The following BCL11B variants were observed in gnomAD, a reference collection of about 807,000 sequenced individuals.
BCL11B encodes the protein B-cell lymphoma/leukemia 11B.
Under a neutral mutation model 49.9 loss-of-function variants are expected in BCL11B, and 8 were observed. That is an observed-to-expected ratio of 0.16 (90% CI 0.09 to 0.29). The LOEUF (loss-of-function observed/expected upper bound fraction) is 0.29. BCL11B is among the 10% of genes least tolerant of loss of function. BCL11B has a pLI of 1.00. For synonymous variants in BCL11B, 739 were observed against 637.4 expected, an observed-to-expected ratio of 1.16 and a Z score of -2.40; for missense variants, 1,006 against 1,351.0, an observed-to-expected ratio of 0.74 and a Z score of 4.00.
rs1162718386 is a variant in BCL11B at position 99,175,391 on chromosome 14, C to G, written c.1445G>C (p.Gly482Ala). Residue 482 changes from glycine (G) to alanine (A), a missense_variant, in exon 4 of 4, where the codon GGC becomes GCC. Transcript: ENST00000357195. Reference protein sequence around the residue: ...RHMKTHMHKAGSLAGRSDDGL... With the variant: ...RHMKTHMHKAASLAGRSDDGL... ...GTCGTCGGAGCGGCCGGCCAGCGAG[C>G]CGGCCTTGTGCATGTGCGTCTTCAT... is the stretch of plus-strand genomic sequence containing the variant. The G allele has an allele frequency of 4.4e-6, 7 of 1,599,978 alleles. No homozygotes were observed. In the Admixed American group the frequency reaches 1.2e-4, roughly 27 times the overall value.
chr14:99,245,760 G>A (rs796190837), intron 2 of BCL11B, among the ~76,000 whole-genome samples: 11 of 152,192 alleles, frequency 7.2e-5, no homozygotes, highest in African/African-American at 2.2e-4. Flanking sequence ...GCGCCCAAGG[G>A]CCAGAGAGGA....
chr14:99,217,385 G>GACACACACACACACACAGAC (rs1887879466), intron 3 of BCL11B, among the ~76,000 whole-genome samples: 1 of 131,018 alleles, frequency 7.6e-6, no homozygotes, highest in African/African-American at 2.7e-5. Flanking sequence ...CACACATACA[G>GACACACACACACACACAGAC]ACACACACAC....
In BCL11B at chr14:99,174,163, G is replaced by T; in HGVS notation, c.2673C>A (p.Ala891=). The change falls in exon 4 of 4, where the codon GCC becomes GCA. Residue 891 remains alanine, a synonymous_variant. Transcript: ENST00000357195. ...GGGGCCCGCGCGCTTAGCTCCTCTCGGCCTGCTCGATTTTGACGTCGTTAG... is the reference window on the plus strand; with the variant it reads ...GGGGCCCGCGCGCTTAGCTCCTCTCTGCCTGCTCGATTTTGACGTCGTTAG... ...LLTNDVKIEQ[A]ERS The T allele has an allele frequency of 6.2e-7, 1 of 1,612,508 alleles. No individual in the cohort carries two copies.
intron 3 of BCL11B, among the ~76,000 whole-genome samples, chr14:99,203,128 A>G (rs1439424601): frequency 2.0e-5 from 3 of 152,090 alleles, no homozygotes; most frequent in East Asian, 3.9e-4. Flanking sequence ...GCTTTCCCCA[A>G]CCACAGATCT....
Position 99,174,614 on chromosome 14 carries a change from G to A in BCL11B, c.2222C>T (p.Ser741Phe), listed in dbSNP as rs2139754017. The change falls in exon 4 of 4, where the codon TCC (serine) becomes TTC (phenylalanine). Residue 741 changes from serine (S) to phenylalanine (F), a missense_variant. This residue lies in a region of BCL11B where 443 missense variants were observed against 499.7 expected (regional missense o/e 0.89). Coordinates refer to ENST00000357195, the MANE Select transcript of BCL11B (RefSeq NM_138576.4). ...DARQSPFATSSEHSSENGSLR... is the reference protein window; with the variant it reads ...DARQSPFATSFEHSSENGSLR... ...GCTGCCGTTCTCGGACGAGTGCTCG[G>A]ACGACGTGGCGAAGGGCGACTGTCG... 6.5e-7 allele frequency: 1 copy of A among 1,548,188 alleles called. No homozygotes were observed. The highest frequency in any genetic ancestry group is 8.7e-7 in the Non-Finnish European group (1 of 1,151,296).
Position 99,175,598 on chromosome 14 carries a change from G to T in BCL11B, c.1238C>A (p.Pro413His). ...CTGCGGGGGCGGCGTGCCGCCAGGG[G>T]GCATGGGCGGCAGCGGCGGCGTGCT... is the stretch of plus-strand genomic sequence containing the variant. ...FLSTPPLPPMPPGGTPPPQPP... is the reference protein window; with the variant it reads ...FLSTPPLPPMHPGGTPPPQPP... The change falls in exon 4 of 4, where the codon CCC becomes CAC. Residue 413 changes from proline to histidine, a missense_variant. Coordinates refer to ENST00000357195, the MANE Select transcript of BCL11B (RefSeq NM_138576.4). The T allele has an allele frequency of 3.2e-6, 5 of 1,572,486 alleles. No individual in the cohort carries two copies. The highest frequency in any genetic ancestry group is 3.4e-6 in the Non-Finnish European group (4 of 1,164,380).
intron 3 of BCL11B, among the ~76,000 whole-genome samples, chr14:99,216,800 A>G (rs1887847367): frequency 6.6e-6 from 1 of 152,122 alleles, no homozygotes; most frequent in Non-Finnish European, 1.5e-5. Context: ...ATACACATAT[A>G]CACTCAACAT....
At chr14:99,237,236 C>CTTTTTTTTT (rs56991081) in intron 2 of BCL11B, among the ~76,000 whole-genome samples, 1 of 132,810 alleles carries the variant, frequency 7.5e-6, no homozygotes, top group African/African-American at 2.7e-5. Context: ...CTTTTTTTTT[C>CTTTTTTTTT]TTTTTTTTTT....
At chr14:99,211,966 C>A (rs1360323915) in intron 3 of BCL11B, among the ~76,000 whole-genome samples, 1 of 152,072 alleles carries the variant, frequency 6.6e-6, no homozygotes, top group Non-Finnish European at 1.5e-5. Context: ...CATCCCCACT[C>A]CCCCCTCCAC....
intron 3 of BCL11B, among the ~76,000 whole-genome samples, chr14:99,191,938 G>A (rs1216400191): frequency 2.0e-5 from 3 of 152,196 alleles, no homozygotes; most frequent in Non-Finnish European, 4.4e-5. Flanking sequence ...CAACACTTAT[G>A]TGGGGTGACG....
At chr14:99,189,577 C>G (rs1566801696) in intron 3 of BCL11B, among the ~76,000 whole-genome samples, 1 of 152,228 alleles carries the variant, frequency 6.6e-6, no homozygotes, top group Non-Finnish European at 1.5e-5. Flanking sequence ...ACACCAACAC[C>G]CCAGCATGGC....
Position 99,272,027 on chromosome 14 carries a change from C to A in BCL11B, c.-809G>T, listed in dbSNP as rs888610617. ...CCGGCCGGAGGGGCTGCCGAGTCCC[C>A]GCGAGCGCTCCCCAGCGCTCCCCTG... On this transcript the variant is annotated 5_prime_UTR_variant, in exon 1 of 4. Transcript: ENST00000357195. The surrounding 1 kb of genome is among the most constrained non-coding windows in gnomAD (Gnocchi z 6.0). Among the ~76,000 whole-genome samples, 1 of 151,950 alleles carries A rather than the reference C, an allele frequency of 6.6e-6. No individual in the cohort carries two copies. The highest frequency in any genetic ancestry group is 1.5e-5 in the Non-Finnish European group (1 of 67,970).
intron 3 of BCL11B, among the ~76,000 whole-genome samples, chr14:99,191,895 T>C (rs1887040937): frequency 6.6e-6 from 1 of 152,074 alleles, no homozygotes. Context: ...AAAATACAAT[T>C]TCTGCTGCGT....
At chr14:99,216,964 G>A (rs983201230) in intron 3 of BCL11B, among the ~76,000 whole-genome samples, 12 of 151,866 alleles carry the variant, frequency 7.9e-5, no homozygotes, top group African/African-American at 1.9e-4. Flanking sequence ...CTGCACACAC[G>A]TGTGTGCATA....
intron 3 of BCL11B, among the ~76,000 whole-genome samples, chr14:99,180,658 GCA>G (rs1886674181): frequency 6.6e-6 from 1 of 152,164 alleles, no homozygotes; most frequent in Non-Finnish European, 1.5e-5. Flanking sequence ...CTGTATGTGG[GCA>G]CAGCCTATAA....
rs1318349693 is a variant in BCL11B, at chr14:99,248,538, C to T, written c.427+8933G>A. Among the ~76,000 whole-genome samples, 3 of 152,160 alleles carry T rather than the reference C, an allele frequency of 2.0e-5. No homozygotes were observed. The highest frequency in any genetic ancestry group is 4.4e-5 in the Non-Finnish European group (3 of 68,028). Reference sequence around the variant, plus strand: ...CCAAACCACACAGGGACATTAGGGACAGGGCCTGGTCACACAAGGGGCTCT... The same window carrying T: ...CCAAACCACACAGGGACATTAGGGATAGGGCCTGGTCACACAAGGGGCTCT... On this transcript the variant is annotated intron_variant, in intron 2 of 3. Coordinates refer to ENST00000357195, the MANE Select transcript of BCL11B (RefSeq NM_138576.4). The surrounding 1 kb of genome is among the most constrained non-coding windows in gnomAD (Gnocchi z 4.7).
chr14:99,188,018 G>A (rs1380927280), intron 3 of BCL11B, among the ~76,000 whole-genome samples: 3 of 152,170 alleles, frequency 2.0e-5, no homozygotes, highest in Non-Finnish European at 4.4e-5. Flanking sequence ...ATGCAGAGGG[G>A]ACTCATTACT....
intron 3 of BCL11B, among the ~76,000 whole-genome samples, chr14:99,209,803 TG>T (rs1887636965): frequency 6.6e-6 from 1 of 152,132 alleles, no homozygotes; most frequent in Non-Finnish European, 1.5e-5. Flanking sequence ...TTGCCTTCTG[TG>T]CACCTTGACT....
At chr14:99,255,770 G>A (rs1028955933) in intron 2 of BCL11B, among the ~76,000 whole-genome samples, 1 of 152,202 alleles carries the variant, frequency 6.6e-6, no homozygotes, top group Non-Finnish European at 1.5e-5. Flanking sequence ...CACCTCTCTC[G>A]CCTGATGGCT....
Sources: allele counts gnomAD v4.1 joint callset (sites outside exome capture counted in the v4.1 genomes callset), GRCh38; gene constraint gnomAD v4.1.1; regional missense constraint gnomAD v4.1.1; non-coding constraint Gnocchi (gnomAD v3.1); transcripts MANE v1.5; gene names NCBI Gene and HGNC (gene_info 2026-07-23, HGNC 2026-07-21).